Variants in ADIPOR2 observed in about 807,000 individuals in gnomAD.
ADIPOR2 encodes the protein adiponectin receptor protein 2.
ADIPOR2 carries 18 observed loss-of-function variants against 40.9 expected under a neutral mutation model. The ratio of observed to expected loss-of-function variants is 0.44; its 90% confidence interval spans 0.30 to 0.65. The LOEUF (loss-of-function observed/expected upper bound fraction) is 0.65, where lower values mean the gene tolerates loss of function less well. Ranked by LOEUF, ADIPOR2 falls within the 30% of genes least tolerant of loss-of-function variation. ADIPOR2 has a pLI of 0.09. For synonymous variants in ADIPOR2, 165 were observed against 166.4 expected, an observed-to-expected ratio of 0.99 and a Z score of 0.06; for missense variants, 283 against 479.2, an observed-to-expected ratio of 0.59 and a Z score of 3.82.
At chr12:1,712,172 A>G (rs1042337431) in intron 1 of ADIPOR2, among the ~76,000 whole-genome samples, 2 of 152,082 alleles carry the variant, frequency 1.3e-5, no homozygotes, top group Admixed American at 6.5e-5. Flanking sequence ...GGGGACTTCT[A>G]AGAGATCCTC....
intron 1 of ADIPOR2, among the ~76,000 whole-genome samples, chr12:1,709,293 T>G (rs2094671046): frequency 6.6e-6 from 1 of 152,198 alleles, no homozygotes; most frequent in African/African-American, 2.4e-5. Context: ...CAGTGTTTTG[T>G]AGTTTTCAGT....
chr12:1,713,148 A>T (rs929332160), intron 1 of ADIPOR2, among the ~76,000 whole-genome samples: 1 of 152,114 alleles, frequency 6.6e-6, no homozygotes, highest in Admixed American at 6.5e-5. Flanking sequence ...TGTGATCTGT[A>T]GGATCCTCAA....
intron 1 of ADIPOR2, among the ~76,000 whole-genome samples, chr12:1,740,315 T>C (rs142665876): frequency 1.1e-3 from 174 of 152,334 alleles, no homozygotes; most frequent in African/African-American, 3.9e-3. Context: ...AAATGTATTT[T>C]CTCACAGTTC....
intron 1 of ADIPOR2, among the ~76,000 whole-genome samples, chr12:1,717,118 A>T (rs1447799268): frequency 1.3e-5 from 2 of 152,244 alleles, no homozygotes; most frequent in Non-Finnish European, 2.9e-5. Flanking sequence ...CTTGTTGATC[A>T]TCTGCCTAGC....
intron 6 of ADIPOR2, among the ~76,000 whole-genome samples, chr12:1,782,844 C>T (rs948935607): frequency 3.3e-5 from 5 of 152,078 alleles, no homozygotes; most frequent in African/African-American, 1.2e-4. Context: ...ATAGTATTCT[C>T]TCCCATCCCC....
At chr12:1,692,743 T>C (rs1285608930) in intron 1 of ADIPOR2, among the ~76,000 whole-genome samples, 1 of 151,336 alleles carries the variant, frequency 6.6e-6, no homozygotes, top group Non-Finnish European at 1.5e-5. Context: ...TTTTTTTTAG[T>C]ATAAATCACA....
chr12:1,714,094 G>C (rs1467196390), intron 1 of ADIPOR2, among the ~76,000 whole-genome samples: 1 of 152,054 alleles, frequency 6.6e-6, no homozygotes, highest in Admixed American at 6.5e-5. Flanking sequence ...TGATTGCCTT[G>C]GCATAGTGGA....
At chr12:1,770,509 C>T (rs1051460555) in intron 2 of ADIPOR2, among the ~76,000 whole-genome samples, 2 of 152,144 alleles carry the variant, frequency 1.3e-5, no homozygotes, top group Non-Finnish European at 2.9e-5. Flanking sequence ...TCATTTCAAG[C>T]TATTGCCCGT....
chr12:1,757,597 T>A lies in ADIPOR2; in HGVS notation c.171+3083T>A. The A allele has an allele frequency of 2.5e-6, 3 of 1,202,162 alleles. No individual in the cohort carries two copies. The East Asian group carries it at 7.0e-5, about 28-fold the overall frequency. The allele number at this position is 1,202,162 out of a possible 1,614,324, so 74.5% of individuals were successfully genotyped here. A position where few individuals can be genotyped will look rare whatever the true frequency, so the allele number is the denominator to read the frequency against. Reference sequence around the variant, plus strand: ...TCAGGGTAGCGGATGGTGCCGGGCATCATGAGTCACCAGATGAGGGATTCC... The same window carrying A: ...TCAGGGTAGCGGATGGTGCCGGGCAACATGAGTCACCAGATGAGGGATTCC... On this transcript the variant is annotated intron_variant, in intron 2 of 7. Coordinates refer to ENST00000357103, the MANE Select transcript of ADIPOR2 (RefSeq NM_024551.3).
At chr12:1,765,637 G>A (rs913153775) in intron 2 of ADIPOR2, among the ~76,000 whole-genome samples, 1 of 152,120 alleles carries the variant, frequency 6.6e-6, no homozygotes, top group Non-Finnish European at 1.5e-5. Context: ...AACACATCTT[G>A]AAGTTATCCA....
chr12:1,695,011 G>GTTTTTTTTTTT (rs199627849), intron 1 of ADIPOR2, among the ~76,000 whole-genome samples: 3 of 128,312 alleles, frequency 2.3e-5, no homozygotes, highest in East Asian at 2.4e-4. Flanking sequence ...TTGTGTTGCA[G>GTTTTTTTTTTT]TTTTTTTTTT....
At chr12:1,729,452 A>T (rs1030046423) in intron 1 of ADIPOR2, among the ~76,000 whole-genome samples, 9 of 151,486 alleles carry the variant, frequency 5.9e-5, no homozygotes, top group African/African-American at 2.2e-4. Context: ...GCTTTTAAAA[A>T]ATAATATATT....
At chr12:1,723,463 GAAAAAA>G (rs58233234) in intron 1 of ADIPOR2, among the ~76,000 whole-genome samples, 20 of 106,156 alleles carry the variant, frequency 1.9e-4, no homozygotes, top group African/African-American at 3.5e-4. Context: ...CGTCTCTACT[GAAAAAA>G]AAAAAAAAAA....
chr12:1,749,147 G>A (rs367721741), intron 1 of ADIPOR2, among the ~76,000 whole-genome samples: 1 of 152,316 alleles, frequency 6.6e-6, no homozygotes, highest in East Asian at 1.9e-4. Context: ...GGGACGTGCA[G>A]GGCTACGTAT....
At position 1,691,142 on chromosome 12, in the gene ADIPOR2, C is replaced by T. The variant is rs888887274; in HGVS notation, c.-136C>T. On this transcript the variant is annotated 5_prime_UTR_variant, in exon 1 of 8. Transcript: ENST00000357103. Reference sequence around the variant, plus strand: ...GGCCCCCTCCCTCCTCCGTTCCCCCCTCCTCCCCCCTCCCCTCAGCGGTGG... The same window carrying T: ...GGCCCCCTCCCTCCTCCGTTCCCCCTTCCTCCCCCCTCCCCTCAGCGGTGG... The T allele has an allele frequency of 5.1e-5, 8 of 157,706 alleles. No individual in the cohort carries two copies. The highest frequency in any genetic ancestry group is 1.7e-4 in the African/African-American group (7 of 41,564). 9.8% of individuals were successfully genotyped at this position (157,706 alleles called of 1,614,324 possible).
intron 1 of ADIPOR2, chr12:1,697,982 G>T (rs1306635564): frequency 1.3e-5 from 2 of 152,216 alleles, no homozygotes; most frequent in Non-Finnish European, 2.9e-5. Context: ...TCAGCCAGTG[G>T]CTCCACTTTA....
intron 2 of ADIPOR2, among the ~76,000 whole-genome samples, chr12:1,769,226 C>A (rs12821401): frequency 0.13 from 19,154 of 152,192 alleles, 1,571 homozygotes; most frequent in East Asian, 0.26. Context: ...CATAGTCTTT[C>A]CAAGCCATCA....
At chr12:1,756,784 A>C (rs552046197) in intron 2 of ADIPOR2, among the ~76,000 whole-genome samples, 25 of 152,222 alleles carry the variant, frequency 1.6e-4, no homozygotes, top group African/African-American at 5.3e-4. Flanking sequence ...GAGCAGCAGA[A>C]ATGGAGGGAA....
Position 1,781,010 on chromosome 12 carries a change from A to G in ADIPOR2, c.772A>G (p.Ile258Val). The G allele has an allele frequency of 6.2e-7, 1 of 1,613,638 alleles. No individual in the cohort carries two copies. The highest frequency in any genetic ancestry group is 8.5e-7 in the Non-Finnish European group (1 of 1,179,846). Reference sequence around the variant, plus strand: ...CTTGATTGTCATCTGTGTGCTGGGCATTGCAGCCATTATAGTCTCCCAGTG... The same window carrying G: ...CTTGATTGTCATCTGTGTGCTGGGCGTTGCAGCCATTATAGTCTCCCAGTG... ...IYLIVICVLG[I>V]AAIIVSQWDM... Residue 258 changes from isoleucine to valine, a missense_variant, in exon 6 of 8, where the codon ATT becomes GTT. By Grantham distance (29) the Ile-to-Val change is conservative. This residue lies in a region of ADIPOR2 where 112 missense variants were observed against 249.5 expected (regional missense o/e 0.45). Transcript: ENST00000357103.
Sources: gnomAD v4.1 joint callset for allele counts (sites outside exome capture counted in the v4.1 genomes callset) on GRCh38, gnomAD v4.1.1 for gene constraint, gnomAD v4.1.1 regional missense constraint, MANE v1.5 for transcripts, NCBI Gene and HGNC (gene_info 2026-07-23, HGNC 2026-07-21) for gene names.